Variants in TECRL observed in about 807,000 individuals in gnomAD.
TECRL encodes trans-2,3-enoyl-CoA reductase-like.
In TECRL, 63 loss-of-function variants were observed where a neutral mutation model predicts 52.8. The observed-to-expected ratio is 1.19, with a 90% CI of 0.97 to 1.47. TECRL has a LOEUF of 1.47. Ranked by LOEUF, TECRL falls within the 40% of genes most tolerant of loss-of-function variation. TECRL has a pLI of 0.00. For missense variants in TECRL, 482 were observed against 429.6 expected (o/e 1.12, Z -1.08); for synonymous variants, 164 against 141.9 (o/e 1.16, Z -1.10).
At chr4:64,282,499 G>A (rs2109927591) in intron 9 of TECRL, among the ~76,000 whole-genome samples, 1 of 151,940 alleles carries the variant, frequency 6.6e-6, no homozygotes, top group African/African-American at 2.4e-5. Context: ...TAAATATGTA[G>A]GCCTTTTGTT....
At chr4:64,283,093 A>G (rs1722910888) in intron 9 of TECRL, among the ~76,000 whole-genome samples, 1 of 152,022 alleles carries the variant, frequency 6.6e-6, no homozygotes, top group Non-Finnish European at 1.5e-5. Context: ...ATTTAGCTTT[A>G]CTACGGTATT....
chr4:64,326,076 T>C (rs1351758888), intron 3 of TECRL, among the ~76,000 whole-genome samples: 1 of 152,046 alleles, frequency 6.6e-6, no homozygotes, highest in Non-Finnish European at 1.5e-5. Context: ...CCTGACCAAA[T>C]TAACACAAGC....
chr4:64,348,976 CAGG>C (rs1720183347), intron 2 of TECRL, among the ~76,000 whole-genome samples: 1 of 148,950 alleles, frequency 6.7e-6, no homozygotes, highest in Non-Finnish European at 1.5e-5. Flanking sequence ...TGCCTCCAAT[CAGG>C]AGAACAGATT....
chr4:64,387,043 A>G (rs935906929), intron 1 of TECRL, among the ~76,000 whole-genome samples: 1 of 152,160 alleles, frequency 6.6e-6, no homozygotes, highest in African/African-American at 2.4e-5. Context: ...AGTATTATGC[A>G]CAGTGTTTTC....
chr4:64,377,131 T>A (rs1310181539), intron 1 of TECRL, among the ~76,000 whole-genome samples: 1 of 152,046 alleles, frequency 6.6e-6, no homozygotes, highest in Non-Finnish European at 1.5e-5. Context: ...TATTATACAC[T>A]CTTAACATTT....
At chr4:64,330,160 A>T (rs1718539496) in intron 2 of TECRL, among the ~76,000 whole-genome samples, 2 of 152,120 alleles carry the variant, frequency 1.3e-5, no homozygotes, top group Admixed American at 1.3e-4. Flanking sequence ...GCAACACCTG[A>T]TTATGCATTG....
chr4:64,376,517 T>C (rs1577960282), intron 1 of TECRL, among the ~76,000 whole-genome samples: 1 of 151,970 alleles, frequency 6.6e-6, no homozygotes, highest in Admixed American at 6.6e-5. Flanking sequence ...TATTAACCTT[T>C]AATATTTAAA....
intron 2 of TECRL, among the ~76,000 whole-genome samples, chr4:64,338,135 A>G (rs1039906295): frequency 3.3e-5 from 5 of 152,180 alleles, no homozygotes; most frequent in African/African-American, 1.2e-4. Flanking sequence ...CCACACATCT[A>G]CAACTATCTG....
chr4:64,295,255 G>T (rs1300624390), intron 8 of TECRL, among the ~76,000 whole-genome samples: 1 of 151,128 alleles, frequency 6.6e-6, no homozygotes, highest in East Asian at 1.9e-4. Flanking sequence ...TAAAAGTTCA[G>T]ATATTGCATT....
intron 1 of TECRL, among the ~76,000 whole-genome samples, chr4:64,400,093 C>A (rs1724246521): frequency 6.6e-6 from 1 of 152,216 alleles, no homozygotes. Flanking sequence ...CTGAACCCTG[C>A]AAAGTCACAG....
At chr4:64,350,236 G>T (rs1464437269) in intron 2 of TECRL, among the ~76,000 whole-genome samples, 2 of 152,134 alleles carry the variant, frequency 1.3e-5, no homozygotes, top group African/African-American at 4.8e-5. Context: ...CTCAACAAGA[G>T]AAATAATTGC....
intron 2 of TECRL, among the ~76,000 whole-genome samples, chr4:64,360,587 A>G (rs1037594688): frequency 6.6e-6 from 1 of 152,154 alleles, no homozygotes; most frequent in African/African-American, 2.4e-5. Context: ...AGACCAGACC[A>G]TCAAGTAGAT....
intron 9 of TECRL, among the ~76,000 whole-genome samples, chr4:64,281,802 G>A (rs968361091): frequency 1.3e-5 from 2 of 151,780 alleles, no homozygotes; most frequent in Non-Finnish European, 2.9e-5. Flanking sequence ...CTGTAACACT[G>A]CAGAGTACAT....
intron 2 of TECRL, among the ~76,000 whole-genome samples, chr4:64,329,787 C>T (rs1452069147): frequency 1.3e-5 from 2 of 151,266 alleles, no homozygotes; most frequent in Non-Finnish European, 3.0e-5. Flanking sequence ...AATAAATACC[C>T]CAAATATAGC....
intron 1 of TECRL, among the ~76,000 whole-genome samples, chr4:64,384,571 C>T (rs931268662): frequency 7.2e-5 from 11 of 152,048 alleles, no homozygotes; most frequent in Non-Finnish European, 1.3e-4. Flanking sequence ...TCTCAGGCCC[C>T]CTAGAATGCA....
chr4:64,394,523 T>G (rs1723787362), intron 1 of TECRL, among the ~76,000 whole-genome samples: 1 of 152,196 alleles, frequency 6.6e-6, no homozygotes. Flanking sequence ...TCACACACAA[T>G]TCCCGTGGCA....
intron 2 of TECRL, among the ~76,000 whole-genome samples, chr4:64,332,835 A>G (rs773173698): frequency 6.6e-6 from 1 of 152,174 alleles, no homozygotes; most frequent in Non-Finnish European, 1.5e-5. Flanking sequence ...GGTGTAGGAT[A>G]TATACATGAT....
At chr4:64,332,304 T>C (rs1256550344) in intron 2 of TECRL, among the ~76,000 whole-genome samples, 1 of 152,160 alleles carries the variant, frequency 6.6e-6, no homozygotes, top group Non-Finnish European at 1.5e-5. Context: ...CAGAAATCAA[T>C]CAATTCTTAA....
At chr4:64,340,651 A>G (rs1719502376) in intron 2 of TECRL, among the ~76,000 whole-genome samples, 2 of 152,228 alleles carry the variant, frequency 1.3e-5, no homozygotes, top group African/African-American at 2.4e-5. Flanking sequence ...GCCCCTTGGC[A>G]TGAACAGCCT....
Sources: allele counts gnomAD v4.1 joint callset (sites outside exome capture counted in the v4.1 genomes callset), GRCh38; gene constraint gnomAD v4.1.1; transcripts MANE v1.5; gene names NCBI Gene and HGNC (gene_info 2026-07-23, HGNC 2026-07-21).